Variants in RGL1 observed in about 807,000 individuals in gnomAD.
RGL1 encodes ral guanine nucleotide dissociation stimulator like 1.
Under a neutral mutation model 95.2 loss-of-function variants are expected in RGL1, and 24 were observed. That is an observed-to-expected ratio of 0.25 (90% confidence interval 0.18 to 0.35). The LOEUF is 0.35. RGL1 is among the 10% of genes least tolerant of loss of function. RGL1 has a pLI of 1.00. For missense variants in RGL1, 715 were observed against 936.3 expected (o/e 0.76, Z 3.08); for synonymous variants, 329 against 344.9 (o/e 0.95, Z 0.51).
intron 3 of RGL1, among the ~76,000 whole-genome samples, chr1:183,855,737 T>C (rs1233204485): frequency 6.6e-6 from 1 of 152,210 alleles, no homozygotes; most frequent in African/African-American, 2.4e-5. Context: ...ACTGAGACCA[T>C]AACTCACCTG....
At chr1:183,674,390 T>C (rs952643834) in intron 1 of RGL1, among the ~76,000 whole-genome samples, 1 of 152,208 alleles carries the variant, frequency 6.6e-6, no homozygotes, top group African/African-American at 2.4e-5. Flanking sequence ...TTGTTTTTTT[T>C]AAATTTGCTT....
chr1:183,792,762 G>A (rs144919177), intron 2 of RGL1, among the ~76,000 whole-genome samples: 107 of 152,068 alleles, frequency 7.0e-4, no homozygotes, highest in Non-Finnish European at 1.3e-3. Flanking sequence ...AAAGATCTCT[G>A]CAATGAAAAT....
chr1:183,880,551 TC>T (rs1666765366), intron 4 of RGL1, 64 bp from the exon 5 acceptor site: 11 of 1,506,212 alleles, frequency 7.3e-6, no homozygotes, highest in Non-Finnish European at 1.0e-5. Context: ...CACCCTGGTG[TC>T]CAGGGATTGC....
chr1:183,734,476 A>G (rs1322769515), intron 1 of RGL1, among the ~76,000 whole-genome samples: 1 of 152,148 alleles, frequency 6.6e-6, no homozygotes, highest in Non-Finnish European at 1.5e-5. Context: ...TATTGAATGC[A>G]CTGTGGTGGA....
At chr1:183,786,834 A>G (rs1205129145) in intron 2 of RGL1, among the ~76,000 whole-genome samples, 1 of 152,236 alleles carries the variant, frequency 6.6e-6, no homozygotes, top group Non-Finnish European at 1.5e-5. Flanking sequence ...TTTTTAGGTC[A>G]TAAAATGGAG....
intron 1 of RGL1, among the ~76,000 whole-genome samples, chr1:183,650,412 A>G (rs6424899): frequency 0.019 from 2,956 of 152,120 alleles, 87 homozygotes; most frequent in African/African-American, 0.068. Flanking sequence ...GTGTGGTGGC[A>G]TGCGCCTGTA....
At chr1:183,669,435 A>G (rs1652286596) in intron 1 of RGL1, among the ~76,000 whole-genome samples, 1 of 152,210 alleles carries the variant, frequency 6.6e-6, no homozygotes, top group Non-Finnish European at 1.5e-5. Flanking sequence ...AGTCCTTAGC[A>G]TAGTCCATAG....
rs567866740 is a variant in RGL1 at position 183,819,305 on chromosome 1, G to A, written c.138+12820G>A. The stretch of plus-strand genomic sequence containing the variant: ...TGAGGCCTGTTACTCTGAGATTTAT[G>A]TTGCAGGCTTGTCCTGTAGTGTACT... On this transcript the variant is annotated intron_variant, in intron 2 of 17. Transcript: ENST00000360851. 3.3e-5 allele frequency among the ~76,000 whole-genome samples: 5 copies of A among 152,328 alleles called. No individual in the cohort carries two copies. The South Asian group carries it at 6.2e-4, about 19-fold the overall frequency.
chr1:183,798,516 T>C (rs1660812610), intron 2 of RGL1, among the ~76,000 whole-genome samples: 1 of 152,160 alleles, frequency 6.6e-6, no homozygotes, highest in South Asian at 2.1e-4. Flanking sequence ...ATTATTATTA[T>C]TAGTATATTC....
chr1:183,755,625 A>C (rs1462268170), intron 2 of RGL1, among the ~76,000 whole-genome samples: 1 of 152,190 alleles, frequency 6.6e-6, no homozygotes, highest in Non-Finnish European at 1.5e-5. Flanking sequence ...GTCAAAACTC[A>C]TTCAACTATA....
intron 2 of RGL1, among the ~76,000 whole-genome samples, chr1:183,832,343 A>G (rs1369553353): frequency 6.6e-6 from 1 of 152,190 alleles, no homozygotes; most frequent in Non-Finnish European, 1.5e-5. Flanking sequence ...TTCCTTATGT[A>G]TGTGTTAAAT....
At position 183,648,778 on chromosome 1, in the gene RGL1, C is replaced by A. The variant is rs763522170; in HGVS notation, c.-33+12277C>A. On this transcript the variant is annotated intron_variant, in intron 1 of 18. Coordinates refer to the RGL1 transcript ENST00000304685. ...GCTAGGTACTCCTCATATATGGGCT[C>A]CATTGCTAGATTTACTGTCTTCTAG... The A allele has an allele frequency of 2.5e-6, 4 of 1,586,106 alleles. No individual in the cohort carries two copies. The African/African-American group carries it at 5.4e-5, about 22-fold the overall frequency.
At chr1:183,770,944 C>T (rs2102329345) in intron 2 of RGL1, among the ~76,000 whole-genome samples, 1 of 152,282 alleles carries the variant, frequency 6.6e-6, no homozygotes, top group Non-Finnish European at 1.5e-5. Flanking sequence ...TCTACTCCCT[C>T]CCTCCCCTGT....
At position 183,657,861 on chromosome 1, in the gene RGL1, G is replaced by A. The variant is rs539127316; in HGVS notation, c.-33+21360G>A. Among the ~76,000 whole-genome samples, 45 of 152,008 alleles carry A rather than the reference G, an allele frequency of 3.0e-4. No homozygotes were observed. The South Asian group carries it at 4.8e-3, about 16-fold the overall frequency. On this transcript the variant is annotated intron_variant, in intron 1 of 18. Coordinates refer to the RGL1 transcript ENST00000304685. Reference sequence around the variant, plus strand: ...TCTAGTTCTAGATCCCTGAGGAATCGCCACACTGACTTCCACAATCGTTGA... The same window carrying A: ...TCTAGTTCTAGATCCCTGAGGAATCACCACACTGACTTCCACAATCGTTGA...
intron 2 of RGL1, among the ~76,000 whole-genome samples, chr1:183,784,519 G>A (rs1660057450): frequency 6.6e-6 from 1 of 152,218 alleles, no homozygotes; most frequent in Admixed American, 6.5e-5. Context: ...ACATGGGCCT[G>A]ACTAGCAGTA....
chr1:183,723,546 G>A (rs1460838399), intron 1 of RGL1, among the ~76,000 whole-genome samples: 1 of 152,230 alleles, frequency 6.6e-6, no homozygotes, highest in African/African-American at 2.4e-5. Context: ...TTGGAACTCA[G>A]TGCTGCTCTG....
chr1:183,825,903 C>G (rs1662812685), intron 2 of RGL1, among the ~76,000 whole-genome samples: 1 of 152,156 alleles, frequency 6.6e-6, no homozygotes, highest in African/African-American at 2.4e-5. Context: ...AGGCCCACAC[C>G]TGTAATCCTA....
At chr1:183,899,661 A>G (rs1271810746) in intron 10 of RGL1, among the ~76,000 whole-genome samples, 3 of 152,152 alleles carry the variant, frequency 2.0e-5, no homozygotes, top group South Asian at 4.1e-4. Flanking sequence ...CTCAGAAGTT[A>G]CTGTTTTTCT....
At chr1:183,715,739 T>C (rs186100823) in intron 1 of RGL1, among the ~76,000 whole-genome samples, 58 of 151,198 alleles carry the variant, frequency 3.8e-4, no homozygotes, top group African/African-American at 1.3e-3. Flanking sequence ...TATACCTGTA[T>C]CTTTCTATAA....
Sources: gnomAD v4.1 joint callset for allele counts (sites outside exome capture counted in the v4.1 genomes callset) on GRCh38, gnomAD v4.1.1 for gene constraint, MANE v1.5 for transcripts, NCBI Gene and HGNC (gene_info 2026-07-23, HGNC 2026-07-21) for gene names.